Variants in TENM3 observed in about 807,000 individuals in gnomAD.
TENM3 encodes teneurin-3.
A neutral mutation model predicts 255.1 loss-of-function variants in TENM3; 63 were observed. The ratio of observed to expected loss-of-function variants is 0.25; its 90% CI spans 0.20 to 0.30. The LOEUF is 0.30. Ranked by LOEUF, TENM3 falls within the 10% of genes least tolerant of loss-of-function variation. The pLI is 1.00. For missense variants in TENM3, 2,929 were observed against 3,461.1 expected, an observed-to-expected ratio of 0.85 and a Z score of 3.86; for synonymous variants, 1,306 against 1,322.3, an observed-to-expected ratio of 0.99 and a Z score of 0.27.
the TENM3 span, among the ~76,000 whole-genome samples, chr4:182,034,432 C>T: frequency 6.6e-6 from 1 of 152,132 alleles, no homozygotes; most frequent in Non-Finnish European, 1.5e-5. Flanking sequence ...CATGATGATG[C>T]TAGCTGGTTA....
the TENM3 span, among the ~76,000 whole-genome samples, chr4:181,645,738 G>A: frequency 1.8e-4 from 27 of 152,256 alleles, no homozygotes; most frequent in South Asian, 1.2e-3. Context: ...TAAAGCAGCC[G>A]CTGAACTGGA....
chr4:182,506,449 C>G (rs889046066), intron 3 of TENM3, among the ~76,000 whole-genome samples: 2 of 152,144 alleles, frequency 1.3e-5, no homozygotes, highest in African/African-American at 4.8e-5. Flanking sequence ...GGAAGAGATT[C>G]AAGCACTGGC....
chr4:181,626,644 TG>T, the TENM3 span, among the ~76,000 whole-genome samples: 1 of 152,016 alleles, frequency 6.6e-6, no homozygotes, highest in South Asian at 2.1e-4. Context: ...CTCATTACCA[TG>T]GGAATGGAGC....
chr4:181,962,482 C>T, the TENM3 span, among the ~76,000 whole-genome samples: 1 of 152,080 alleles, frequency 6.6e-6, no homozygotes, highest in Non-Finnish European at 1.5e-5. Context: ...GAAGTGGATA[C>T]CATGCCAGGA....
intron 1 of TENM3, among the ~76,000 whole-genome samples, chr4:182,189,118 T>C (rs1274483746): frequency 6.6e-6 from 1 of 152,162 alleles, no homozygotes; most frequent in African/African-American, 2.4e-5. Flanking sequence ...ATGTATTTTT[T>C]GTATTCACTG....
the TENM3 span, among the ~76,000 whole-genome samples, chr4:182,016,136 TCTC>T: frequency 2.6e-5 from 4 of 152,194 alleles, no homozygotes; most frequent in South Asian, 8.3e-4. Flanking sequence ...GAGAGACAGT[TCTC>T]CTTCAACGTG....
intron 1 of TENM3, among the ~76,000 whole-genome samples, chr4:182,189,822 A>G (rs903010747): frequency 2.0e-5 from 3 of 152,178 alleles, no homozygotes; most frequent in Non-Finnish European, 2.9e-5. Flanking sequence ...CCTTCCTGAG[A>G]ACTGAGTAGT....
At chr4:182,649,923 G>T (rs1753103103) in intron 5 of TENM3, among the ~76,000 whole-genome samples, 1 of 150,432 alleles carries the variant, frequency 6.6e-6, no homozygotes, top group African/African-American at 2.4e-5. Context: ...GAATACAGAG[G>T]TATGTGGTGA....
chr4:182,470,781 T>C (rs1733043572), intron 3 of TENM3, among the ~76,000 whole-genome samples: 1 of 152,140 alleles, frequency 6.6e-6, no homozygotes, highest in Non-Finnish European at 1.5e-5. Context: ...CTTTTCAATG[T>C]TGTAAGTCAT....
At chr4:182,613,764 T>C (rs1749225121) in intron 4 of TENM3, among the ~76,000 whole-genome samples, 1 of 152,206 alleles carries the variant, frequency 6.6e-6, no homozygotes, top group Non-Finnish European at 1.5e-5. Flanking sequence ...AATGCCAAAA[T>C]GTATAATTAC....
chr4:182,587,210 C>T (rs1746110283), intron 3 of TENM3, among the ~76,000 whole-genome samples: 1 of 151,980 alleles, frequency 6.6e-6, no homozygotes, highest in African/African-American at 2.4e-5. Flanking sequence ...CCCATCTCAG[C>T]CTCCCAAGTA....
intron 3 of TENM3, among the ~76,000 whole-genome samples, chr4:182,493,160 T>C (rs1230405902): frequency 1.3e-5 from 2 of 152,100 alleles, no homozygotes; most frequent in African/African-American, 4.8e-5. Flanking sequence ...GTGGCCTTCT[T>C]TTGTGTGAGC....
chr4:182,228,391 T>TG (rs1451759564), intron 1 of TENM3, among the ~76,000 whole-genome samples: 1 of 141,670 alleles, frequency 7.1e-6, no homozygotes, highest in East Asian at 1.9e-4. Context: ...TGTGTGTGTG[T>TG]GTATATGTAA....
the TENM3 span, among the ~76,000 whole-genome samples, chr4:181,628,113 C>G: frequency 6.6e-6 from 1 of 152,092 alleles, no homozygotes; most frequent in Non-Finnish European, 1.5e-5. Context: ...TTTCATGTGT[C>G]TTTTGGCTGC....
At chr4:182,061,307 C>T in the TENM3 span, among the ~76,000 whole-genome samples, 30 of 152,232 alleles carry the variant, frequency 2.0e-4, no homozygotes, top group Non-Finnish European at 3.4e-4. Context: ...GACTTTGGGT[C>T]AGATGGCACT....
At chr4:182,389,338 T>G (rs1180379931) in intron 3 of TENM3, among the ~76,000 whole-genome samples, 2 of 151,434 alleles carry the variant, frequency 1.3e-5, no homozygotes, top group Non-Finnish European at 2.9e-5. Context: ...CAGCCCTCTG[T>G]TGTAGCCATT....
chr4:181,800,067 C>A, the TENM3 span, among the ~76,000 whole-genome samples: 15 of 152,164 alleles, frequency 9.9e-5, no homozygotes, highest in African/African-American at 3.1e-4. Context: ...AAAAAAGAGC[C>A]AGAAATTAAG....
chr4:182,627,914 T>C (rs549447598), intron 4 of TENM3, among the ~76,000 whole-genome samples: 1 of 152,220 alleles, frequency 6.6e-6, no homozygotes, highest in South Asian at 2.1e-4. Context: ...AGGGAATGTT[T>C]CCGTATTTGA....
the TENM3 span, among the ~76,000 whole-genome samples, chr4:181,973,146 T>A: frequency 6.6e-6 from 1 of 152,216 alleles, no homozygotes; most frequent in African/African-American, 2.4e-5. Context: ...ATTGAAAGAA[T>A]AATAATTTAT....
Sources: allele counts gnomAD v4.1 joint callset (sites outside exome capture counted in the v4.1 genomes callset), GRCh38; gene constraint gnomAD v4.1.1; transcripts MANE v1.5; gene names NCBI Gene and HGNC (gene_info 2026-07-23, HGNC 2026-07-21).